MOB2: variants seen among roughly 807,000 people sequenced by gnomAD.
The protein encoded by MOB2 is MOB kinase activator 2.
A neutral mutation model predicts 27.4 loss-of-function variants in MOB2; 14 were observed. The ratio of observed to expected loss-of-function variants is 0.51; its 90% CI spans 0.34 to 0.80. The LOEUF (loss-of-function observed/expected upper bound fraction) is 0.80, where lower values mean the gene tolerates loss of function less well. Ranked by LOEUF, MOB2 falls within the 30% of genes least tolerant of loss-of-function variation. The pLI is 0.01. For synonymous variants in MOB2, 167 were observed against 151.8 expected (o/e 1.10, Z -0.74); for missense variants, 304 against 354.6 (o/e 0.86, Z 1.15).
rs765531485 is a variant in MOB2, at chr11:1,470,054, G to A, written c.*118C>T. Reference sequence around the variant, plus strand: ...TGTGCAGCCCACACCAGTGCAGCCCGGGGCCCTCTCAGACCTCACCACACG... The same window carrying A: ...TGTGCAGCCCACACCAGTGCAGCCCAGGGCCCTCTCAGACCTCACCACACG... On this transcript the variant is annotated 3_prime_UTR_variant, in exon 5 of 5. Coordinates refer to ENST00000329957, the MANE Select transcript of MOB2 (RefSeq NM_001172223.3). 21 of 1,537,474 alleles carry A rather than the reference G, an allele frequency of 1.4e-5. No individual in the cohort carries two copies. The highest frequency in any genetic ancestry group is 3.9e-5 in the Admixed American group (2 of 51,000).
intron 4 of MOB2, among the ~76,000 whole-genome samples, chr11:1,470,723 G>T (rs992426441): frequency 6.6e-6 from 1 of 152,256 alleles, no homozygotes; most frequent in African/African-American, 2.4e-5. Context: ...GGCTCCGGAG[G>T]CTGCACCTGC....
At chr11:1,480,363 G>A (rs1159386069) in intron 3 of MOB2, 30 bp downstream of exon 3, 1 of 1,604,414 alleles carries the variant, frequency 6.2e-7, no homozygotes, top group Non-Finnish European at 8.5e-7. Context: ...TCTCCCAAGA[G>A]AAAGTGGGCT....
At position 1,486,633 on chromosome 11, in the gene MOB2, G is replaced by T; in HGVS notation, c.-77C>A. 1 of 983,564 alleles carries T rather than the reference G, an allele frequency of 1.0e-6. No homozygotes were observed. Among genetic ancestry groups the T allele is most frequent in the Non-Finnish European group, 1.5e-6 (1 of 654,964 alleles). 60.9% of individuals were successfully genotyped at this position (983,564 alleles called of 1,614,324 possible). ...CCAGCACTCGCAAATGCCTGCTGCC[G>T]GGCCCTCCAGCCTCACTCCCTGGCC... On this transcript the variant is annotated 5_prime_UTR_variant, in exon 1 of 5. Coordinates refer to ENST00000329957, the MANE Select transcript of MOB2 (RefSeq NM_001172223.3).
intron 1 of MOB2, among the ~76,000 whole-genome samples, chr11:1,484,799 T>A (rs1340151542): frequency 1.3e-5 from 2 of 152,122 alleles, no homozygotes; most frequent in Non-Finnish European, 2.9e-5. Context: ...TGGGAAGGCC[T>A]CCGGAGCCCC....
chr11:1,482,825 G>A (rs954393923), intron 1 of MOB2, among the ~76,000 whole-genome samples: 28 of 152,212 alleles, frequency 1.8e-4, no homozygotes, highest in African/African-American at 6.3e-4. Flanking sequence ...ACGGCTGTGC[G>A]GGCACCAACA....
chr11:1,477,404 C>A (rs1187750605), intron 3 of MOB2, among the ~76,000 whole-genome samples: 1 of 152,196 alleles, frequency 6.6e-6, no homozygotes, highest in African/African-American at 2.4e-5. Context: ...TCTCACCCGC[C>A]TGCACCACAG....
chr11:1,480,619 C>CGCG, intron 2 of MOB2, 106 bp downstream of exon 2: 3 of 1,524,756 alleles, frequency 2.0e-6, no homozygotes, highest in Non-Finnish European at 2.7e-6. Flanking sequence ...ATTCTCCCCT[C>CGCG]GCGGCAGGGG....
At chr11:1,474,649 C>A (rs897079618) in intron 3 of MOB2, among the ~76,000 whole-genome samples, 2 of 152,212 alleles carry the variant, frequency 1.3e-5, no homozygotes, top group East Asian at 3.9e-4. Flanking sequence ...TCCATCCACA[C>A]GTTTGTGTGG....
intron 3 of MOB2, among the ~76,000 whole-genome samples, chr11:1,478,566 A>T (rs1429169025): frequency 6.6e-6 from 1 of 152,174 alleles, no homozygotes. Context: ...GTACCAGGCC[A>T]CCGCCGTCTG....
intron 3 of MOB2, among the ~76,000 whole-genome samples, chr11:1,473,810 C>T (rs1045457444): frequency 7.2e-5 from 11 of 152,246 alleles, no homozygotes; most frequent in South Asian, 2.1e-4. Context: ...TCAGGACACG[C>T]GGCGGCTTAC....
intron 1 of MOB2, among the ~76,000 whole-genome samples, chr11:1,482,109 G>A (rs926013338): frequency 6.6e-6 from 1 of 152,212 alleles, no homozygotes; most frequent in Non-Finnish European, 1.5e-5. Flanking sequence ...TCACAGCACA[G>A]CACACCACAC....
intron 3 of MOB2, among the ~76,000 whole-genome samples, chr11:1,475,400 C>G (rs1390739509): frequency 6.6e-6 from 1 of 152,240 alleles, no homozygotes; most frequent in African/African-American, 2.4e-5. Flanking sequence ...CCTGAAGCCA[C>G]AGAGAGCACC....
At position 1,480,822 on chromosome 11, in the gene MOB2, C is replaced by G; in HGVS notation, c.174G>C (p.Glu58Asp). 6.3e-7 allele frequency: 1 copy of G among 1,584,474 alleles called. No homozygotes were observed. The highest frequency in any genetic ancestry group is 1.2e-5 in the South Asian group (1 of 86,712). Reference sequence around the variant, plus strand: ...TGATCCTGGCCTTGGTGTGCTCAGGCTCCAGGTAGGCCTTCCTCTCCTCCG... The same window carrying G: ...TGATCCTGGCCTTGGTGTGCTCAGGGTCCAGGTAGGCCTTCCTCTCCTCCG... ...PAAEERKAYL[E>D]PEHTKARITD... is the part of the protein sequence containing the mutation. Residue 58 changes from glutamate (E) to aspartate (D), a missense_variant, in exon 2 of 5, where the codon GAG becomes GAC. Coordinates refer to ENST00000329957, the MANE Select transcript of MOB2 (RefSeq NM_001172223.3).
At chr11:1,485,593 C>T (rs970938937) in intron 1 of MOB2, among the ~76,000 whole-genome samples, 9 of 152,174 alleles carry the variant, frequency 5.9e-5, no homozygotes, top group South Asian at 2.1e-4. Flanking sequence ...CCGCAGCCCC[C>T]GGCCCTTGGA....
chr11:1,472,669 C>T (rs374428260), intron 3 of MOB2: 4 of 152,458 alleles, frequency 2.6e-5, no homozygotes, highest in African/African-American at 9.6e-5. Context: ...CCACTCTTCT[C>T]TTGGCCAGCT....
Position 1,471,435 on chromosome 11 carries a change from C to A in MOB2, c.366-16G>T, listed in dbSNP as rs560869089. ...GTAGTACTGTCTGTGGAGACAGAGA[C>A]ACGGTCAGGGCATGCGCCCGCTGCA... On this transcript the variant is annotated splice_polypyrimidine_tract_variant and intron_variant, in intron 3 of 4. Transcript: ENST00000329957. 9.3e-6 allele frequency: 15 copies of A among 1,605,882 alleles called. No individual in the cohort carries two copies. The highest frequency in any genetic ancestry group is 1.3e-5 in the African/African-American group (1 of 74,974).
rs541980520 is a variant in MOB2 at position 1,470,091 on chromosome 11, CAT to C, written c.*79_*80del. 294 of 1,545,692 alleles carry C rather than the reference CAT, an allele frequency of 1.9e-4. No individual in the cohort carries two copies. The highest frequency in any genetic ancestry group is 6.7e-4 in the Admixed American group (34 of 51,038). On this transcript the variant is annotated 3_prime_UTR_variant, in exon 5 of 5. Coordinates refer to ENST00000329957, the MANE Select transcript of MOB2 (RefSeq NM_001172223.3). ...GACCTCACCACACGCGTGCCCAGCACATGTGTGCACACGCAGATGCAGGAGAG... is the reference window on the plus strand; with the variant it reads ...GACCTCACCACACGCGTGCCCAGCACGTGTGCACACGCAGATGCAGGAGAG...
intron 3 of MOB2, among the ~76,000 whole-genome samples, chr11:1,478,477 T>C (rs912218971): frequency 6.6e-6 from 1 of 152,210 alleles, no homozygotes; most frequent in African/African-American, 2.4e-5. Flanking sequence ...CACTGGAAGA[T>C]GTGTGGGGCT....
chr11:1,480,770 C>G lies in MOB2; in HGVS notation c.226G>C (p.Val76Leu), dbSNP rs572271940. The change falls in exon 2 of 5, where the codon GTG (valine) becomes CTG (leucine). Residue 76 changes from valine (V) to leucine (L), a missense_variant. Val to Leu is a conservative substitution (Grantham distance 32, BLOSUM62 1). Coordinates refer to ENST00000329957, the MANE Select transcript of MOB2 (RefSeq NM_001172223.3). ...TTAAGGTCAATCTCGCGGGGCAGCA[C>G]CACCAGCTCCTTGAACTGGAAGTCG... is the stretch of plus-strand genomic sequence containing the variant. ...ITDFQFKELV[V>L]LPREIDLNEW... is the part of the protein sequence containing the mutation. 1 of 1,605,152 alleles carries G rather than the reference C, an allele frequency of 6.2e-7. No individual in the cohort carries two copies. The highest frequency in any genetic ancestry group is 1.1e-5 in the South Asian group (1 of 89,342).
Sources: allele counts gnomAD v4.1 joint callset (sites outside exome capture counted in the v4.1 genomes callset), GRCh38; gene constraint gnomAD v4.1.1; transcripts MANE v1.5; gene names NCBI Gene and HGNC (gene_info 2026-07-23, HGNC 2026-07-21).